Variants in UBE2E2 observed in about 807,000 individuals in gnomAD.
UBE2E2 encodes ubiquitin-conjugating enzyme E2 E2.
UBE2E2 carries 6 observed loss-of-function variants against 24.7 expected under a neutral mutation model. The ratio of observed to expected loss-of-function variants is 0.24; its 90% CI spans 0.13 to 0.48. The LOEUF (loss-of-function observed/expected upper bound fraction) is 0.48. UBE2E2 is among the 20% of genes least tolerant of loss of function. The pLI is 0.99. For missense variants in UBE2E2, 169 were observed against 245.0 expected, an observed-to-expected ratio of 0.69 and a Z score of 2.07; for synonymous variants, 104 against 83.6, an observed-to-expected ratio of 1.24 and a Z score of -1.33.
intron 5 of UBE2E2, among the ~76,000 whole-genome samples, chr3:23,565,219 G>C (rs749435923): frequency 6.6e-5 from 10 of 152,074 alleles, no homozygotes; most frequent in Admixed American, 3.3e-4. Context: ...GTCACATTAT[G>C]ATGTGAGTCA....
intron 5 of UBE2E2, among the ~76,000 whole-genome samples, chr3:23,586,028 T>C (rs1224423041): frequency 5.3e-5 from 8 of 152,180 alleles, no homozygotes; most frequent in Non-Finnish European, 1.5e-5. Context: ...CCTCCCTTAA[T>C]TAAGCATATA....
chr3:23,515,453 G>A (rs13066171), intron 4 of UBE2E2, among the ~76,000 whole-genome samples: 1 of 152,092 alleles, frequency 6.6e-6, no homozygotes, highest in Non-Finnish European at 1.5e-5. Flanking sequence ...ATAGGAAGGA[G>A]AGAGAAGATA....
chr3:23,358,686 T>G (rs1437242929), intron 3 of UBE2E2, among the ~76,000 whole-genome samples: 1 of 152,230 alleles, frequency 6.6e-6, no homozygotes, highest in Non-Finnish European at 1.5e-5. Flanking sequence ...CTCTTTTATT[T>G]AAAAAGTAGC....
At chr3:23,428,497 C>A (rs1021821659) in intron 3 of UBE2E2, among the ~76,000 whole-genome samples, 5 of 151,930 alleles carry the variant, frequency 3.3e-5, no homozygotes, top group African/African-American at 1.2e-4. Flanking sequence ...AAGAAAAAGA[C>A]AAGCAAATCA....
At chr3:23,253,509 A>T (rs1697635549) in intron 3 of UBE2E2, among the ~76,000 whole-genome samples, 1 of 152,224 alleles carries the variant, frequency 6.6e-6, no homozygotes. Flanking sequence ...TACCATTGCT[A>T]CTGGACTGTG....
intron 3 of UBE2E2, among the ~76,000 whole-genome samples, chr3:23,278,736 G>A (rs1382996968): frequency 6.6e-6 from 1 of 152,044 alleles, no homozygotes; most frequent in Non-Finnish European, 1.5e-5. Context: ...CTAATAAAAT[G>A]ATCAGTATTA....
At chr3:23,303,283 T>A (rs1339001485) in intron 3 of UBE2E2, among the ~76,000 whole-genome samples, 1 of 152,070 alleles carries the variant, frequency 6.6e-6, no homozygotes, top group Non-Finnish European at 1.5e-5. Flanking sequence ...GTATAATTAT[T>A]TCATTATATA....
At chr3:23,576,271 CAGAT>C (rs1011410694) in intron 5 of UBE2E2, among the ~76,000 whole-genome samples, 4 of 152,108 alleles carry the variant, frequency 2.6e-5, no homozygotes, top group African/African-American at 7.2e-5. Context: ...AGACAACTCA[CAGAT>C]AGCCTCCAGT....
At chr3:23,462,017 A>G (rs1283334225) in intron 3 of UBE2E2, among the ~76,000 whole-genome samples, 2 of 152,214 alleles carry the variant, frequency 1.3e-5, no homozygotes, top group Non-Finnish European at 2.9e-5. Context: ...GTGATTTGTC[A>G]TAAATATCCC....
intron 3 of UBE2E2, among the ~76,000 whole-genome samples, chr3:23,488,662 G>C (rs566400447): frequency 6.6e-6 from 1 of 152,268 alleles, no homozygotes; most frequent in South Asian, 2.1e-4. Context: ...TTTGAGAAGC[G>C]ATTTGGCTTC....
intron 3 of UBE2E2, among the ~76,000 whole-genome samples, chr3:23,466,816 C>A (rs979431991): frequency 6.6e-6 from 1 of 152,072 alleles, no homozygotes; most frequent in Admixed American, 6.5e-5. Context: ...ATCCACCCAC[C>A]TCAGCCTCCC....
chr3:23,264,880 G>T (rs1410309618), intron 3 of UBE2E2, among the ~76,000 whole-genome samples: 1 of 152,184 alleles, frequency 6.6e-6, no homozygotes, highest in African/African-American at 2.4e-5. Flanking sequence ...TGTCTTACAA[G>T]TGAAGAGAGT....
At chr3:23,555,510 G>T (rs1321144489) in intron 5 of UBE2E2, among the ~76,000 whole-genome samples, 1 of 152,104 alleles carries the variant, frequency 6.6e-6, no homozygotes, top group Non-Finnish European at 1.5e-5. Flanking sequence ...CCCTCTGCTG[G>T]ATATATACCC....
intron 3 of UBE2E2, among the ~76,000 whole-genome samples, chr3:23,259,495 T>G (rs950235537): frequency 9.9e-5 from 15 of 151,982 alleles, no homozygotes; most frequent in African/African-American, 3.6e-4. Context: ...ACTTAGGAGA[T>G]TGAGGCAGGA....
intron 3 of UBE2E2, among the ~76,000 whole-genome samples, chr3:23,419,193 T>A (rs1697733747): frequency 6.6e-6 from 1 of 152,180 alleles, no homozygotes; most frequent in Non-Finnish European, 1.5e-5. Flanking sequence ...TTAAGCTTCC[T>A]CCTGGCCTCA....
At chr3:23,512,834 A>G (rs1244545427) in intron 4 of UBE2E2, among the ~76,000 whole-genome samples, 1 of 152,086 alleles carries the variant, frequency 6.6e-6, no homozygotes, top group Admixed American at 6.5e-5. Context: ...AATTCCAGCT[A>G]CTCAGTAGGC....
chr3:23,478,896 A>ATATATATATTT (rs1192241310), intron 3 of UBE2E2, among the ~76,000 whole-genome samples: 1 of 120,448 alleles, frequency 8.3e-6, no homozygotes, highest in African/African-American at 2.7e-5. Context: ...ATATATATAT[A>ATATATATATTT]TTTTTTTTTT....
chr3:23,323,177 A>T (rs1694791099), intron 3 of UBE2E2, among the ~76,000 whole-genome samples: 1 of 152,130 alleles, frequency 6.6e-6, no homozygotes, highest in Admixed American at 6.5e-5. Flanking sequence ...TGATCCTCAC[A>T]ACCACCTTAT....
intron 3 of UBE2E2, among the ~76,000 whole-genome samples, chr3:23,446,542 GT>G (rs1467650712): frequency 6.6e-6 from 1 of 152,074 alleles, no homozygotes; most frequent in Admixed American, 6.6e-5. Context: ...CATTGTGAAA[GT>G]TACCTGCCTT....
Sources: gnomAD v4.1 joint callset for allele counts (sites outside exome capture counted in the v4.1 genomes callset) on GRCh38, gnomAD v4.1.1 for gene constraint, MANE v1.5 for transcripts, NCBI Gene and HGNC (gene_info 2026-07-23, HGNC 2026-07-21) for gene names.